UNC5B: variants seen among roughly 807,000 people sequenced by gnomAD.
The protein encoded by UNC5B is netrin receptor UNC5B.
UNC5B carries 56 observed loss-of-function variants against 103.7 expected under a neutral mutation model. The ratio of observed to expected loss-of-function variants is 0.54; its 90% CI spans 0.44 to 0.67. The LOEUF (loss-of-function observed/expected upper bound fraction) is 0.67, where lower values mean the gene tolerates loss of function less well. Among genes scored for constraint, UNC5B ranks in the 30% least tolerant of loss-of-function variants. The pLI is 0.00. For missense variants in UNC5B, 1,194 were observed against 1,284.5 expected, an observed-to-expected ratio of 0.93 and a Z score of 1.08; for synonymous variants, 577 against 542.0, an observed-to-expected ratio of 1.06 and a Z score of -0.90.
At position 71,291,482 on chromosome 10, in the gene UNC5B, G is replaced by T. The variant is rs141795100; in HGVS notation, c.1345G>T (p.Ala449Ser). 6.2e-7 allele frequency: 1 copy of T among 1,613,734 alleles called. No homozygotes were observed. Among genetic ancestry groups the T allele is most frequent in the African/African-American group, 1.3e-5 (1 of 74,872 alleles). The change falls in exon 10 of 17, where the codon GCC becomes TCC. Residue 449 changes from alanine to serine, a missense_variant. By Grantham distance (99) the Ala-to-Ser change is moderately conservative (BLOSUM62 1). Coordinates refer to ENST00000335350, the MANE Select transcript of UNC5B (RefSeq NM_170744.5). ...TGTGCCTCCTGACCTGACAGCCAGCGCCGGCATCTACCGCGGACCCGTGTA... is the reference window on the plus strand; with the variant it reads ...TGTGCCTCCTGACCTGACAGCCAGCTCCGGCATCTACCGCGGACCCGTGTA... ...PSVPPDLTAS[A>S]GIYRGPVYAL...
At chr10:71,255,790 T>C in intron 1 of UNC5B, among the ~76,000 whole-genome samples, 1 of 152,208 alleles carries the variant, frequency 6.6e-6, no homozygotes. Flanking sequence ...TTCTGCAAGC[T>C]CTGCTGAGAT....
rs1554858439 is a variant in UNC5B at position 71,213,675 on chromosome 10, A to AAATTATTATT, written c.79+612_79+613insATTATTATTA. 2.3e-5 allele frequency among the ~76,000 whole-genome samples: 3 copies of AAATTATTATT among 133,258 alleles called. No individual in the cohort carries two copies. Among genetic ancestry groups the AAATTATTATT allele is most frequent in the Admixed American group, 7.4e-5 (1 of 13,466 alleles). The allele number at this position is 133,258 out of a possible 152,430, so 87.4% of individuals were successfully genotyped here. Reference sequence around the variant, plus strand: ...ATCGCTGGGCCCGCAGGTCTGGAAGAATTATTATTATTATTATTATTATTA... The same window carrying AAATTATTATT: ...ATCGCTGGGCCCGCAGGTCTGGAAGAAATTATTATTATTATTATTATTATTATTATTATTA... On this transcript the variant is annotated intron_variant, in intron 1 of 16. Transcript: ENST00000335350. This position sits in a 1 kb window ranked among gnomAD's most constrained non-coding sequence, Gnocchi z 4.1.
chr10:71,290,054 A>C (rs749202039), intron 8 of UNC5B, among the ~76,000 whole-genome samples: 1 of 152,248 alleles, frequency 6.6e-6, no homozygotes, highest in Non-Finnish European at 1.5e-5. Flanking sequence ...GCTCTCCCTG[A>C]ACTGCCCAGT....
chr10:71,260,881 G>A (rs1484029335), intron 1 of UNC5B, among the ~76,000 whole-genome samples: 1 of 152,242 alleles, frequency 6.6e-6, no homozygotes, highest in Non-Finnish European at 1.5e-5. Context: ...GGGCGGGCAG[G>A]CAGCTGGGAG....
chr10:71,296,028 C>T (rs1845403514), intron 14 of UNC5B, 68 bp downstream of exon 14: 1 of 1,601,988 alleles, frequency 6.2e-7, no homozygotes, highest in Non-Finnish European at 8.5e-7. Context: ...CAGCTCCCTC[C>T]CGGGCCCTGC....
Position 71,212,948 on chromosome 10 carries a change from G to T in UNC5B, c.-38G>T. On this transcript the variant is annotated 5_prime_UTR_variant, in exon 1 of 17. Coordinates refer to ENST00000335350, the MANE Select transcript of UNC5B (RefSeq NM_170744.5). Reference sequence around the variant, plus strand: ...CGGCGAGACTGGGGCCAGGGAGACAGCCCTGGGGGAGAGGCGCCCGAACCA... The same window carrying T: ...CGGCGAGACTGGGGCCAGGGAGACATCCCTGGGGGAGAGGCGCCCGAACCA... 2 of 1,296,948 alleles carry T rather than the reference G, an allele frequency of 1.5e-6. No individual in the cohort carries two copies. Among genetic ancestry groups the T allele is most frequent in the Non-Finnish European group, 2.0e-6 (2 of 1,018,554 alleles). 80.3% of individuals were successfully genotyped at this position (1,296,948 alleles called of 1,614,324 possible).
intron 6 of UNC5B, among the ~76,000 whole-genome samples, chr10:71,288,315 G>T (rs571621346): frequency 6.6e-6 from 1 of 152,186 alleles, no homozygotes; most frequent in Admixed American, 6.5e-5. Context: ...GGGCTATATC[G>T]TGTTGATGAC....
At chr10:71,287,479 G>C in intron 5 of UNC5B, 119 bp from the exon 6 acceptor site, 1 of 1,265,946 alleles carries the variant, frequency 7.9e-7, no homozygotes, top group Non-Finnish European at 1.1e-6. Flanking sequence ...TAGGCAAAAG[G>C]GGTCTCACTA....
At chr10:71,251,244 G>T (rs1844165354) in intron 1 of UNC5B, among the ~76,000 whole-genome samples, 1 of 152,150 alleles carries the variant, frequency 6.6e-6, no homozygotes, top group African/African-American at 2.4e-5. Context: ...AGAGGTCAGG[G>T]TAAGGAAGGT....
At chr10:71,284,902 C>A in intron 3 of UNC5B, 39 bp downstream of exon 3, 3 of 1,550,862 alleles carry the variant, frequency 1.9e-6, no homozygotes, top group Non-Finnish European at 2.6e-6. Context: ...CTGCAGGAAC[C>A]TTCCCCATCC....
intron 1 of UNC5B, among the ~76,000 whole-genome samples, chr10:71,247,507 G>A (rs1844064539): frequency 6.6e-6 from 1 of 152,214 alleles, no homozygotes; most frequent in Non-Finnish European, 1.5e-5. Flanking sequence ...CCTCGCTGTT[G>A]GACAGGCTCC....
intron 1 of UNC5B, among the ~76,000 whole-genome samples, chr10:71,272,408 T>A (rs969737830): frequency 2.6e-5 from 4 of 151,830 alleles, no homozygotes; most frequent in African/African-American, 9.7e-5. Context: ...AAGCCAGCGG[T>A]GGGGGTTTCA....
At position 71,224,390 on chromosome 10, in the gene UNC5B, C is replaced by T. The variant is rs189272730; in HGVS notation, c.79+11326C>T. ...ACACACACACACACACACACACACA[C>T]ACACACACACACACACACACACACA... On this transcript the variant is annotated intron_variant, in intron 1 of 16. Coordinates refer to ENST00000335350, the MANE Select transcript of UNC5B (RefSeq NM_170744.5). Among the ~76,000 whole-genome samples, 1,241 of 151,766 alleles carry T rather than the reference C, an allele frequency of 8.2e-3. 13 individuals are homozygous for T. Among genetic ancestry groups the T allele is most frequent in the African/African-American group, 0.029 (1,185 of 41,298 alleles).
chr10:71,261,733 A>G (rs975977167), intron 1 of UNC5B, among the ~76,000 whole-genome samples: 4 of 152,108 alleles, frequency 2.6e-5, no homozygotes, highest in Non-Finnish European at 4.4e-5. Flanking sequence ...GCCTGGCTGG[A>G]GCCCTGCATC....
At chr10:71,290,707 A>G (rs1845224654) in intron 8 of UNC5B, among the ~76,000 whole-genome samples, 3 of 152,236 alleles carry the variant, frequency 2.0e-5, no homozygotes, top group Non-Finnish European at 4.4e-5. Flanking sequence ...CTAGGAGGGC[A>G]GTAAGGCAGG....
chr10:71,235,244 A>G (rs1187027261), intron 1 of UNC5B, among the ~76,000 whole-genome samples: 1 of 152,110 alleles, frequency 6.6e-6, no homozygotes, highest in Non-Finnish European at 1.5e-5. Flanking sequence ...GCCACCAGGG[A>G]AGGGGCCCAG....
At chr10:71,236,124 G>A (rs1798002664) in intron 1 of UNC5B, among the ~76,000 whole-genome samples, 1 of 152,222 alleles carries the variant, frequency 6.6e-6, no homozygotes, top group Admixed American at 6.5e-5. Context: ...TCCAAACTTT[G>A]TCAAACTCCT....
At chr10:71,283,052 G>A (rs1002657886) in intron 2 of UNC5B, among the ~76,000 whole-genome samples, 4 of 152,112 alleles carry the variant, frequency 2.6e-5, no homozygotes, top group African/African-American at 2.4e-5. Flanking sequence ...CCCAGGAGGC[G>A]GAGGTTGCAG....
At chr10:71,279,014 G>A (rs1844845148) in intron 1 of UNC5B, among the ~76,000 whole-genome samples, 1 of 152,252 alleles carries the variant, frequency 6.6e-6, no homozygotes, top group Non-Finnish European at 1.5e-5. Flanking sequence ...TTTCCAGGGA[G>A]ACGGTGGGCC....
Sources: allele counts gnomAD v4.1 joint callset (sites outside exome capture counted in the v4.1 genomes callset), GRCh38; gene constraint gnomAD v4.1.1; non-coding constraint Gnocchi (gnomAD v3.1); transcripts MANE v1.5; gene names NCBI Gene and HGNC (gene_info 2026-07-23, HGNC 2026-07-21).